Variants in GPR158 observed in about 807,000 individuals in gnomAD.
GPR158 encodes the protein G protein-coupled receptor 158.
In GPR158, 30 loss-of-function variants were observed where a neutral mutation model predicts 78.2. The ratio of observed to expected loss-of-function variants is 0.38; its 90% confidence interval spans 0.29 to 0.52. The LOEUF (loss-of-function observed/expected upper bound fraction) is 0.52. Ranked by LOEUF, GPR158 falls within the 20% of genes least tolerant of loss-of-function variation. The pLI is 0.83. For missense variants in GPR158, 1,463 were observed against 1,523.5 expected, an observed-to-expected ratio of 0.96 and a Z score of 0.66; for synonymous variants, 581 against 591.1, an observed-to-expected ratio of 0.98 and a Z score of 0.25.
chr10:25,400,456 G>A (rs1305041112), intron 3 of GPR158, among the ~76,000 whole-genome samples: 3 of 152,072 alleles, frequency 2.0e-5, no homozygotes, highest in Non-Finnish European at 2.9e-5. Context: ...CAAATGACTC[G>A]TGAAGACCAA....
chr10:25,555,715 G>T (rs548148941), intron 6 of GPR158, among the ~76,000 whole-genome samples: 2 of 151,742 alleles, frequency 1.3e-5, no homozygotes, highest in Non-Finnish European at 2.9e-5. Context: ...AGACTCTTGG[G>T]CTTTTCCTTT....
At chr10:25,429,691 C>T (rs1053160369) in intron 4 of GPR158, among the ~76,000 whole-genome samples, 1 of 150,400 alleles carries the variant, frequency 6.6e-6, no homozygotes, top group Admixed American at 6.6e-5. Context: ...CCCTGGGATG[C>T]AAGGCTGGTT....
intron 7 of GPR158, among the ~76,000 whole-genome samples, chr10:25,586,390 AATTTTTTT>A (rs61666725): frequency 0.25 from 32,315 of 130,126 alleles, 4,750 homozygotes; most frequent in East Asian, 0.43. Flanking sequence ...GGTATGTGTG[AATTTTTTT>A]TTTTTTTTTT....
intron 2 of GPR158, among the ~76,000 whole-genome samples, chr10:25,279,099 G>A (rs576842691): frequency 7.2e-5 from 11 of 152,084 alleles, no homozygotes; most frequent in Non-Finnish European, 1.6e-4. Flanking sequence ...ACATGAGACA[G>A]GAGGGAGTTG....
intron 6 of GPR158, among the ~76,000 whole-genome samples, chr10:25,561,442 T>C (rs898758713): frequency 1.3e-5 from 2 of 152,200 alleles, no homozygotes; most frequent in Non-Finnish European, 2.9e-5. Flanking sequence ...AACTGAATAA[T>C]CTGGCTTCTT....
At chr10:25,562,537 T>A (rs1282851056) in intron 6 of GPR158, among the ~76,000 whole-genome samples, 1 of 152,224 alleles carries the variant, frequency 6.6e-6, no homozygotes, top group Non-Finnish European at 1.5e-5. Context: ...CCTTAACCCA[T>A]TCGTTAAGAG....
intron 7 of GPR158, among the ~76,000 whole-genome samples, chr10:25,585,027 T>A (rs1262780705): frequency 2.6e-5 from 4 of 152,256 alleles, no homozygotes; most frequent in South Asian, 2.1e-4. Flanking sequence ...CAGTGGGAGG[T>A]CCCAGGTTAC....
intron 1 of GPR158, among the ~76,000 whole-genome samples, chr10:25,216,849 G>A (rs1041628514): frequency 2.0e-5 from 3 of 152,112 alleles, no homozygotes; most frequent in Non-Finnish European, 4.4e-5. Flanking sequence ...GAATTTTTTA[G>A]GGCCCTAAAT....
intron 2 of GPR158, among the ~76,000 whole-genome samples, chr10:25,237,596 G>A (rs1853541328): frequency 6.6e-6 from 1 of 152,054 alleles, no homozygotes; most frequent in Non-Finnish European, 1.5e-5. Context: ...AGAGTAGGTG[G>A]CTCTTCAAAT....
intron 2 of GPR158, among the ~76,000 whole-genome samples, chr10:25,247,404 C>T (rs1300600501): frequency 7.1e-4 from 101 of 143,094 alleles, no homozygotes; most frequent in East Asian, 2.7e-3. Context: ...CATGCTGGTG[C>T]GCTGCACCCA....
intron 2 of GPR158, among the ~76,000 whole-genome samples, chr10:25,241,775 G>A (rs1317913819): frequency 6.6e-6 from 1 of 152,054 alleles, no homozygotes; most frequent in Non-Finnish European, 1.5e-5. Flanking sequence ...TATATTGTTA[G>A]GTGGTTTGCT....
chr10:25,304,919 T>C (rs1854648744), intron 2 of GPR158, among the ~76,000 whole-genome samples: 1 of 152,198 alleles, frequency 6.6e-6, no homozygotes, highest in Admixed American at 6.5e-5. Flanking sequence ...AACAAATAGT[T>C]ATCTAACCTG....
At chr10:25,423,700 C>T (rs1564451475) in intron 4 of GPR158, among the ~76,000 whole-genome samples, 2 of 152,130 alleles carry the variant, frequency 1.3e-5, no homozygotes, top group Non-Finnish European at 2.9e-5. Context: ...CATGTCCCTA[C>T]AAAGGACATG....
At chr10:25,188,227 C>T (rs1256726573) in intron 1 of GPR158, among the ~76,000 whole-genome samples, 1 of 152,158 alleles carries the variant, frequency 6.6e-6, no homozygotes, top group Non-Finnish European at 1.5e-5. Context: ...ATTATAAATT[C>T]AGTGCCATCC....
chr10:25,295,501 C>T (rs1854498583), intron 2 of GPR158, among the ~76,000 whole-genome samples: 1 of 152,056 alleles, frequency 6.6e-6, no homozygotes, highest in South Asian at 2.1e-4. Flanking sequence ...GCAAGCTCCA[C>T]CTCCCGGGTT....
rs1253370259 is a variant in GPR158 at position 25,572,656 on chromosome 10, A to G, written c.1522A>G (p.Lys508Glu). The change falls in exon 7 of 11, where the codon AAG (lysine) becomes GAG (glutamate). Residue 508 changes from lysine to glutamate, a missense_variant. Lys to Glu is a moderately conservative substitution (Grantham distance 56). Transcript: ENST00000376351. ...TVTLKLHRVLKVFLSRTAQRI... is the reference protein window; with the variant it reads ...TVTLKLHRVLEVFLSRTAQRI... ...GAACTTTTGCTTTTCTAGGGTTTTG[A>G]AGGTGTTTCTTTCACGAACGGCTCA... is the stretch of plus-strand genomic sequence containing the variant. 1 of 1,605,568 alleles carries G rather than the reference A, an allele frequency of 6.2e-7. No homozygotes were observed. Among genetic ancestry groups the G allele is most frequent in the Admixed American group, 1.7e-5 (1 of 59,988 alleles).
chr10:25,312,780 G>T (rs868750298), intron 2 of GPR158, among the ~76,000 whole-genome samples: 5 of 152,150 alleles, frequency 3.3e-5, no homozygotes, highest in African/African-American at 1.2e-4. Flanking sequence ...TTGATCAAAG[G>T]CTTTCTTAAG....
At chr10:25,391,476 A>G (rs948756944) in intron 2 of GPR158, among the ~76,000 whole-genome samples, 2 of 133,218 alleles carry the variant, frequency 1.5e-5, no homozygotes, top group African/African-American at 5.6e-5. Flanking sequence ...GTTGTGAGAC[A>G]TGCAGTTAAA....
chr10:25,201,243 G>A (rs1852924187), intron 1 of GPR158, among the ~76,000 whole-genome samples: 4 of 152,002 alleles, frequency 2.6e-5, no homozygotes, highest in African/African-American at 9.7e-5. Flanking sequence ...GTATTCCTAG[G>A]TATTTTATTC....
Sources: allele counts gnomAD v4.1 joint callset (sites outside exome capture counted in the v4.1 genomes callset), GRCh38; gene constraint gnomAD v4.1.1; transcripts MANE v1.5; gene names NCBI Gene and HGNC (gene_info 2026-07-23, HGNC 2026-07-21).